The following NDUFAF6 variants were observed in gnomAD, a reference collection of about 807,000 sequenced individuals.
The protein encoded by NDUFAF6 is NADH dehydrogenase (ubiquinone) complex I, assembly factor 6.
A neutral mutation model predicts 40.8 loss-of-function variants in NDUFAF6; 45 were observed. That is an observed-to-expected ratio of 1.10 (90% CI 0.87 to 1.42). The LOEUF (loss-of-function observed/expected upper bound fraction) is 1.42. Ranked by LOEUF, NDUFAF6 falls within the 40% of genes most tolerant of loss-of-function variation. The pLI is 0.00. For missense variants in NDUFAF6, 435 were observed against 418.5 expected (o/e 1.04, Z -0.34); for synonymous variants, 185 against 155.9 (o/e 1.19, Z -1.39).
intron 4 of NDUFAF6, among the ~76,000 whole-genome samples, chr8:95,112,109 G>A (rs1810014153): frequency 6.6e-6 from 1 of 152,124 alleles, no homozygotes; most frequent in Non-Finnish European, 1.5e-5. Flanking sequence ...ACCTAATTAT[G>A]CTATTTTACA....
At chr8:95,006,355 CAAAAAAAAAA>C (rs58530398) in intron 2 of NDUFAF6, among the ~76,000 whole-genome samples, 3 of 74,992 alleles carry the variant, frequency 4.0e-5, no homozygotes, top group Admixed American at 1.5e-4. Flanking sequence ...GACTCCGTCT[CAAAAAAAAAA>C]AAAAAAAAAA....
intron 4 of NDUFAF6, chr8:95,115,505 T>C (rs1278729480): frequency 6.6e-6 from 1 of 151,764 alleles, no homozygotes; most frequent in East Asian, 1.9e-4. Context: ...GAAAACTGTT[T>C]CTCCATTTCC....
At chr8:95,077,255 T>G (rs893294854), downstream of NDUFAF6, among the ~76,000 whole-genome samples, 1 of 152,166 alleles carries the variant, frequency 6.6e-6, no homozygotes, top group Non-Finnish European at 1.5e-5. Flanking sequence ...ACAAGGGGCT[T>G]ACAGTCTGGA....
chr8:94,955,338 CAT>C (rs1387897422), upstream of NDUFAF6, among the ~76,000 whole-genome samples: 2 of 152,234 alleles, frequency 1.3e-5, no homozygotes, highest in African/African-American at 4.8e-5. Context: ...CGTGCACACA[CAT>C]GAGAGGAAGG....
intron 1 of NDUFAF6, among the ~76,000 whole-genome samples, chr8:94,938,360 G>C (rs1347733492): frequency 1.3e-5 from 2 of 152,178 alleles, no homozygotes; most frequent in Admixed American, 6.5e-5. Flanking sequence ...GACTGAGGCT[G>C]GACTGTGATA....
intron 1 of NDUFAF6, among the ~76,000 whole-genome samples, chr8:94,969,752 CAGAA>C (rs903563064): frequency 6.6e-6 from 1 of 151,948 alleles, no homozygotes; most frequent in African/African-American, 2.4e-5. Context: ...ACCCAGAACA[CAGAA>C]AGAGGTAAAT....
chr8:94,907,831 A>T (rs1045180658), intron 1 of NDUFAF6, among the ~76,000 whole-genome samples: 2 of 152,112 alleles, frequency 1.3e-5, no homozygotes, highest in African/African-American at 2.4e-5. Flanking sequence ...CCTGTGACAC[A>T]TCCCTCAGGA....
chr8:95,079,856 C>CCACG (rs1243583674), downstream of NDUFAF6, among the ~76,000 whole-genome samples: 5 of 151,702 alleles, frequency 3.3e-5, no homozygotes, highest in Non-Finnish European at 7.4e-5. Flanking sequence ...GTACCCACCA[C>CCACG]CACGCCTGGC....
intron 1 of NDUFAF6, chr8:94,927,810 A>G (rs1820031716): frequency 1.3e-5 from 2 of 152,744 alleles, no homozygotes; most frequent in South Asian, 4.1e-4. Context: ...ATTCTATGTT[A>G]ACAGTTTAGA....
chr8:95,098,455 C>T (rs371146086), upstream of NDUFAF6, among the ~76,000 whole-genome samples: 1 of 152,076 alleles, frequency 6.6e-6, no homozygotes, highest in African/African-American at 2.4e-5. Flanking sequence ...ATCACAAGGT[C>T]AGGAGTTCAA....
At chr8:95,043,669 CAAAG>C (rs1375351916) in intron 4 of NDUFAF6, among the ~76,000 whole-genome samples, 2 of 151,924 alleles carry the variant, frequency 1.3e-5, no homozygotes, top group Non-Finnish European at 2.9e-5. Context: ...CAAATTGAAA[CAAAG>C]AAACATCACT....
At chr8:94,979,221 T>C (rs1825212290) in intron 1 of NDUFAF6, among the ~76,000 whole-genome samples, 1 of 152,218 alleles carries the variant, frequency 6.6e-6, no homozygotes, top group Non-Finnish European at 1.5e-5. Context: ...GATTTTCTTT[T>C]TGATGGTGTG....
At chr8:94,896,943 C>G (rs777978445) in intron 1 of NDUFAF6, among the ~76,000 whole-genome samples, 27 of 152,162 alleles carry the variant, frequency 1.8e-4, no homozygotes, top group Non-Finnish European at 3.2e-4. Context: ...CTTGTCAGTC[C>G]CAAGAAACTT....
At chr8:94,958,451 G>A (rs937278456) in intron 1 of NDUFAF6, among the ~76,000 whole-genome samples, 6 of 151,154 alleles carry the variant, frequency 4.0e-5, no homozygotes, top group South Asian at 2.1e-4. Context: ...CTAGTCATAC[G>A]GGATTAGGGG....
chr8:94,963,418 G>A (rs1051472915), intron 1 of NDUFAF6, among the ~76,000 whole-genome samples: 1 of 152,152 alleles, frequency 6.6e-6, no homozygotes, highest in Non-Finnish European at 1.5e-5. Context: ...AAAATGCTAT[G>A]GAAACCCAGA....
intron 2 of NDUFAF6, among the ~76,000 whole-genome samples, chr8:94,993,902 T>C (rs941715996): frequency 6.6e-6 from 1 of 152,142 alleles, no homozygotes; most frequent in African/African-American, 2.4e-5. Flanking sequence ...ACATTAAGTT[T>C]CATAAAAGGA....
chr8:94,982,390 G>C (rs1825521003), intron 2 of NDUFAF6, among the ~76,000 whole-genome samples: 1 of 152,170 alleles, frequency 6.6e-6, no homozygotes, highest in East Asian at 1.9e-4. Flanking sequence ...GTGTGTAGTA[G>C]GCTAAGCCAT....
chr8:95,025,135 G>T lies in NDUFAF6; in HGVS notation c.127G>T (p.Gly43Trp), dbSNP rs1447696257. The T allele has an allele frequency of 6.7e-7, 1 of 1,485,812 alleles. No homozygotes were observed. Among genetic ancestry groups the T allele is most frequent in the Admixed American group, 2.3e-5 (1 of 42,742 alleles). The allele number at this position is 1,485,812 out of a possible 1,614,324, so 92.0% of individuals were successfully genotyped here. ...GCGGCTGCCCGGGCCGGAGGTGTCTGGGCGGAGCGTGGCTGCGGCCAGCGG... is the reference window on the plus strand; with the variant it reads ...GCGGCTGCCCGGGCCGGAGGTGTCTTGGCGGAGCGTGGCTGCGGCCAGCGG... The part of the protein sequence containing the change: ...MRRLPGPEVS[G>W]RSVAAASGPG... The change falls in exon 1 of 9, where the codon GGG becomes TGG. Residue 43 changes from glycine to tryptophan, a missense_variant. Physicochemically the swap from Gly to Trp is radical, Grantham distance 184. Transcript: ENST00000396124.
intron 2 of NDUFAF6, chr8:94,981,031 C>A (rs924349414): frequency 2.2e-6 from 1 of 454,732 alleles, no homozygotes; most frequent in Admixed American, 2.4e-5. Context: ...CTCTTTCCCC[C>A]ACCCCAGTAT....
Sources: gnomAD v4.1 joint callset for allele counts (sites outside exome capture counted in the v4.1 genomes callset) on GRCh38, gnomAD v4.1.1 for gene constraint, MANE v1.5 for transcripts, NCBI Gene and HGNC (gene_info 2026-07-23, HGNC 2026-07-21) for gene names.